The following CCDC93 variants were observed in gnomAD, a reference collection of about 807,000 sequenced individuals.
The protein encoded by CCDC93 is coiled-coil domain-containing protein 93.
In CCDC93, 61 loss-of-function variants were observed where a neutral mutation model predicts 108.2. That is an observed-to-expected ratio of 0.56 (90% confidence interval 0.46 to 0.70). The LOEUF is 0.70. CCDC93 is among the 30% of genes least tolerant of loss of function. The pLI is 0.00. For missense variants in CCDC93, 685 were observed against 764.2 expected (o/e 0.90, Z 1.22); for synonymous variants, 276 against 260.4 (o/e 1.06, Z -0.58).
chr2:117,972,323 C>T (rs1293997163), intron 11 of CCDC93, among the ~76,000 whole-genome samples: 3 of 152,164 alleles, frequency 2.0e-5, no homozygotes, highest in African/African-American at 7.2e-5. Flanking sequence ...GACAGATAAA[C>T]CAGAATGTAT....
At chr2:117,954,773 G>A (rs1679164785) in intron 12 of CCDC93, among the ~76,000 whole-genome samples, 1 of 152,190 alleles carries the variant, frequency 6.6e-6, no homozygotes, top group African/African-American at 2.4e-5. Context: ...ATCCCCACGT[G>A]TCGTGGGAGG....
chr2:117,941,297 C>T lies in CCDC93; in HGVS notation c.1414G>A (p.Ala472Thr). Residue 472 changes from alanine to threonine, a missense_variant and splice_region_variant, in exon 19 of 24, where the codon GCT (alanine) becomes ACT (threonine). By Grantham distance (58) the Ala-to-Thr change is moderately conservative. Transcript: ENST00000376300. ...EKLYKIRLLQ[A>T]RRNREIAILH... is the part of the protein sequence containing the mutation. ...ATTGCTATTTCTCGATTTCTTCGAG[C>T]CTAAATGCAAAAGGGAGACAGAGAC... The T allele has an allele frequency of 6.2e-7, 1 of 1,611,702 alleles. No individual in the cohort carries two copies. Among genetic ancestry groups the T allele is most frequent in the South Asian group, 1.1e-5 (1 of 91,028 alleles).
intron 3 of CCDC93, among the ~76,000 whole-genome samples, chr2:118,004,995 T>C (rs1465809699): frequency 6.6e-6 from 1 of 152,162 alleles, no homozygotes; most frequent in Non-Finnish European, 1.5e-5. Context: ...TTAGCAAAAC[T>C]TATAAATAGT....
chr2:117,936,198 A>T (rs1031243141), intron 21 of CCDC93, among the ~76,000 whole-genome samples: 1 of 152,154 alleles, frequency 6.6e-6, no homozygotes, highest in Non-Finnish European at 1.5e-5. Context: ...ATGCTCTCCA[A>T]GGAGCAAGTC....
chr2:118,008,422 G>C, intron 2 of CCDC93, 123 bp downstream of exon 2: 2 of 649,252 alleles, frequency 3.1e-6, no homozygotes, highest in Non-Finnish European at 5.4e-6. Flanking sequence ...ATCTGAATTA[G>C]GAAGAAATGG....
rs1246462727 is a variant in CCDC93 at position 117,946,955 on chromosome 2, C to T, written c.1225-73G>A. ...AGACGCAATTATTCAACTATTTGGTCCACAAGTCTTATTTTCACATTTCAT... is the reference window on the plus strand; with the variant it reads ...AGACGCAATTATTCAACTATTTGGTTCACAAGTCTTATTTTCACATTTCAT... On this transcript the variant is annotated intron_variant, in intron 15 of 23. Transcript: ENST00000376300. The T allele has an allele frequency of 1.5e-5, 17 of 1,100,814 alleles. No homozygotes were observed. In the East Asian group the frequency reaches 2.8e-4, roughly 18 times the overall value. 68.2% of individuals were successfully genotyped at this position (1,100,814 alleles called of 1,614,324 possible).
chr2:117,983,993 G>A (rs1680237738), intron 7 of CCDC93, among the ~76,000 whole-genome samples: 1 of 152,032 alleles, frequency 6.6e-6, no homozygotes, highest in South Asian at 2.1e-4. Flanking sequence ...TGAAGTTCAA[G>A]GTATCTTAGT....
intron 1 of CCDC93, 61 bp from the exon 2 acceptor site, chr2:118,008,719 A>G: frequency 1.0e-6 from 1 of 979,612 alleles, no homozygotes; most frequent in Non-Finnish European, 1.6e-6. Context: ...AACACCAGGT[A>G]TATCCCCTGA....
rs372402875 is a variant in CCDC93 at position 117,923,436 on chromosome 2, C to T, written c.1843-3040G>A. ...CCACCCTAATACTGTGCTTTTCCAA[C>T]GGTCTTAGCAAATGGCACACCAGCA... is the stretch of plus-strand genomic sequence containing the variant. On this transcript the variant is annotated intron_variant, in intron 23 of 23. Transcript: ENST00000376300. Among the ~76,000 whole-genome samples, 81 of 152,314 alleles carry T rather than the reference C, an allele frequency of 5.3e-4. No homozygotes were observed. The East Asian group carries it at 0.01, about 20-fold the overall frequency.
At position 117,958,386 on chromosome 2, in the gene CCDC93, T is replaced by C; in HGVS notation, c.984A>G (p.Gln328=). 1.2e-6 allele frequency: 2 copies of C among 1,610,178 alleles called. No homozygotes were observed. The highest frequency in any genetic ancestry group is 1.7e-6 in the Non-Finnish European group (2 of 1,176,352). Residue 328 remains glutamine (Q), a synonymous_variant, in exon 12 of 24, where the codon CAA becomes CAG. Transcript: ENST00000376300. ...KVISLNKQIA[Q]KTKHLEELRA... ...TGACCTCTTCAAGATGTTTGGTCTTTTGCGCAATCTGTTTGTTCAAGGAAA... is the reference window on the plus strand; with the variant it reads ...TGACCTCTTCAAGATGTTTGGTCTTCTGCGCAATCTGTTTGTTCAAGGAAA...
chr2:117,926,960 A>T (rs1349273276), intron 23 of CCDC93, among the ~76,000 whole-genome samples: 2 of 152,100 alleles, frequency 1.3e-5, no homozygotes, highest in African/African-American at 2.4e-5. Flanking sequence ...CAAGGCTGGT[A>T]CAACATATGC....
At chr2:117,947,618 G>C (rs1353708916) in intron 15 of CCDC93, among the ~76,000 whole-genome samples, 1 of 151,882 alleles carries the variant, frequency 6.6e-6, no homozygotes, top group Non-Finnish European at 1.5e-5. Context: ...TTTGTTTTGG[G>C]GTTTGGCACA....
chr2:117,927,141 T>C (rs1678140522), intron 23 of CCDC93, among the ~76,000 whole-genome samples: 2 of 152,154 alleles, frequency 1.3e-5, no homozygotes, highest in Non-Finnish European at 2.9e-5. Flanking sequence ...GAGCTATCTA[T>C]GACAAACCCA....
chr2:117,985,338 G>T, intron 7 of CCDC93: 1 of 340,504 alleles, frequency 2.9e-6, no homozygotes, highest in Non-Finnish European at 4.2e-6. Context: ...AGGCAGAGCA[G>T]CACACAGGAG....
In CCDC93 at chr2:117,985,989, A is replaced by C. The variant is rs1680305429; in HGVS notation, c.600T>G (p.Ala200=). The change falls in exon 7 of 24, where the codon GCT becomes GCG. Residue 200 remains alanine, a synonymous_variant. Coordinates refer to ENST00000376300, the MANE Select transcript of CCDC93 (RefSeq NM_019044.5). The stretch of plus-strand genomic sequence containing the variant: ...ATTACCTGCCATATTCCAAAAGTGT[A>C]GCATGGATTCGAGATTCTTCATCAA... ...ELLDEESRIH[A]TLLEYGRRYG... The C allele has an allele frequency of 1.2e-6, 2 of 1,612,092 alleles. No homozygotes were observed. Among genetic ancestry groups the C allele is most frequent in the African/African-American group, 2.7e-5 (2 of 74,940 alleles).
intron 19 of CCDC93, among the ~76,000 whole-genome samples, chr2:117,939,813 TG>T (rs1440206898): frequency 4.6e-5 from 7 of 152,058 alleles, no homozygotes; most frequent in Non-Finnish European, 8.8e-5. Flanking sequence ...AAATCTTAGG[TG>T]GATTTTGAAA....
At chr2:117,948,938 G>C (rs746605311) in intron 14 of CCDC93, among the ~76,000 whole-genome samples, 12 of 152,234 alleles carry the variant, frequency 7.9e-5, no homozygotes. Flanking sequence ...GGAGGCACGA[G>C]CTGTTTAAAA....
At chr2:117,926,837 T>C (rs995758793) in intron 23 of CCDC93, among the ~76,000 whole-genome samples, 2 of 152,086 alleles carry the variant, frequency 1.3e-5, no homozygotes, top group Non-Finnish European at 2.9e-5. Flanking sequence ...TTTAGACCAA[T>C]ATCCCTGATG....
At chr2:118,000,974 G>C (rs376872986) in intron 3 of CCDC93, 42 bp from the exon 4 acceptor site, 70 of 1,209,778 alleles carry the variant, frequency 5.8e-5, no homozygotes, top group Non-Finnish European at 8.0e-5. Flanking sequence ...GGCATACTAA[G>C]TAGCCTTTAT....
Sources: gnomAD v4.1 joint callset for allele counts (sites outside exome capture counted in the v4.1 genomes callset) on GRCh38, gnomAD v4.1.1 for gene constraint, MANE v1.5 for transcripts, NCBI Gene and HGNC (gene_info 2026-07-23, HGNC 2026-07-21) for gene names.